Variants in RHBDF1 observed in about 807,000 individuals in gnomAD.
RHBDF1 encodes inactive rhomboid protein 1.
Under a neutral mutation model 98.6 loss-of-function variants are expected in RHBDF1, and 80 were observed. The observed-to-expected ratio is 0.81, with a 90% confidence interval of 0.68 to 0.98. RHBDF1 has a LOEUF of 0.98. Ranked by LOEUF, RHBDF1 falls within the 50% of genes least tolerant of loss-of-function variation. The pLI, the probability that RHBDF1 is intolerant of heterozygous loss-of-function variation, is 0.00. For missense variants in RHBDF1, 1,116 were observed against 1,198.3 expected (o/e 0.93, Z 1.01); for synonymous variants, 512 against 486.8 (o/e 1.05, Z -0.68).
upstream of RHBDF1, among the ~76,000 whole-genome samples, chr16:72,862 G>C (rs898808188): frequency 1.3e-5 from 2 of 152,202 alleles, no homozygotes; most frequent in African/African-American, 2.4e-5. Flanking sequence ...CAGTGTCAGC[G>C]CTGGGCGGCT....
At chr16:63,913 GGA>G in intron 3 of RHBDF1, 113 bp from the exon 4 acceptor site, 7 of 946,368 alleles carry the variant, frequency 7.4e-6, no homozygotes, top group Non-Finnish European at 1.0e-5. Context: ...GTCACTCCAG[GGA>G]CCAGGGTCTG....
intron 1 of RHBDF1, among the ~76,000 whole-genome samples, chr16:68,659 T>TGG (rs11410085): frequency 1.2e-4 from 18 of 151,994 alleles, no homozygotes; most frequent in South Asian, 2.1e-4. Context: ...CAGGACCAGC[T>TGG]GGGGGGGCTG....
chr16:59,675 C>T, intron 14 of RHBDF1, 57 bp downstream of exon 14: 7 of 1,598,644 alleles, frequency 4.4e-6, no homozygotes, highest in Non-Finnish European at 6.0e-6. Context: ...GAAGGCACAC[C>T]CTAGGGCGAT....
rs748663781 is a variant in RHBDF1 at position 61,441 on chromosome 16, C to T, written c.1339G>A (p.Val447Ile). The T allele has an allele frequency of 6.2e-7, 1 of 1,612,320 alleles. No individual in the cohort carries two copies. The highest frequency in any genetic ancestry group is 2.2e-5 in the East Asian group (1 of 44,884). ...TGCACGTACTTGACGTTCTCGTAGA[C>T]CCCGCGGTTCCGCAGCACCTGGGAG... ...TVDSVLRNRG[V>I]YENVKYVQQE... is the part of the protein sequence containing the mutation. Residue 447 changes from valine (V) to isoleucine (I), a missense_variant, in exon 10 of 18, where the codon GTC becomes ATC. Transcript: ENST00000262316.
Position 61,014 on chromosome 16 carries a change from G to T in RHBDF1, c.1557+106C>A, listed in dbSNP as rs1390406117. 4.7e-6 allele frequency: 6 copies of T among 1,269,600 alleles called. No homozygotes were observed. In the Admixed American group the frequency reaches 9.9e-5, roughly 21 times the overall value. 78.6% of individuals were successfully genotyped at this position (1,269,600 alleles called of 1,614,324 possible). On this transcript the variant is annotated intron_variant, in intron 11 of 17. Transcript: ENST00000262316. Reference sequence around the variant, plus strand: ...AAGGCCTTGCGCGTAAGGACGGCGGGATGTGCCAGGAACGAGGGCGAAGGA... The same window carrying T: ...AAGGCCTTGCGCGTAAGGACGGCGGTATGTGCCAGGAACGAGGGCGAAGGA...
In RHBDF1 at chr16:63,001, C is replaced by T; in HGVS notation, c.644G>A (p.Ser215Asn). Residue 215 changes from serine (S) to asparagine (N), a missense_variant, in exon 5 of 18, where the codon AGC (serine) becomes AAC (asparagine). Ser to Asn is a conservative substitution (Grantham distance 46). Transcript: ENST00000262316. ...RRKRESVAKM[S>N]FRAAAALMKG... ...CATCAGCGCTGCGGCCGCCCGGAAG[C>T]TCATCTTGGCCACCGACTCTCGCTT... is the stretch of plus-strand genomic sequence containing the variant. 1.9e-6 allele frequency: 3 copies of T among 1,612,210 alleles called. No homozygotes were observed. The highest frequency in any genetic ancestry group is 2.5e-6 in the Non-Finnish European group (3 of 1,179,422).
chr16:72,177 T>C (rs1456780393), intron 1 of RHBDF1, among the ~76,000 whole-genome samples: 1 of 152,178 alleles, frequency 6.6e-6, no homozygotes, highest in Non-Finnish European at 1.5e-5. Flanking sequence ...CCTGGGACCC[T>C]CAGCTGTTGG....
In RHBDF1 at chr16:68,101, T is replaced by G. The variant is rs188869239; in HGVS notation, c.-24-3062A>C. On this transcript the variant is annotated intron_variant, in intron 1 of 17. Coordinates refer to ENST00000262316, the MANE Select transcript of RHBDF1 (RefSeq NM_022450.5). Reference sequence around the variant, plus strand: ...CAGTCGGCCCCAGGAGACAGCAGAGTGCTCAGCTCATGAAGGAGGCACCAG... The same window carrying G: ...CAGTCGGCCCCAGGAGACAGCAGAGGGCTCAGCTCATGAAGGAGGCACCAG... 2.0e-5 allele frequency among the ~76,000 whole-genome samples: 3 copies of G among 151,678 alleles called. No homozygotes were observed. In the East Asian group the frequency reaches 5.8e-4, roughly 29 times the overall value.
chr16:58,959 G>T lies in RHBDF1; in HGVS notation c.2148+15C>A, dbSNP rs758025160. On this transcript the variant is annotated intron_variant, in intron 17 of 17. Transcript: ENST00000262316. ...GTGCACACGGGAGGATCCCCACCCT[G>T]AGGGCCAGCCTTACCTCTGCTCGGT... 3.7e-6 allele frequency: 6 copies of T among 1,611,948 alleles called. No homozygotes were observed. In the African/African-American group the frequency reaches 8.0e-5, roughly 22 times the overall value.
chr16:64,459 C>T (rs772837883), intron 3 of RHBDF1: 16 of 1,495,686 alleles, frequency 1.1e-5, no homozygotes, highest in Admixed American at 4.1e-5. Context: ...CAAGAGCATC[C>T]GGGCGGTGGA....
At position 62,008 on chromosome 16, in the gene RHBDF1, G is replaced by C. The variant is rs1418221107; in HGVS notation, c.998C>G (p.Ala333Gly). The change falls in exon 8 of 18, where the codon GCC (alanine) becomes GGC (glycine). Residue 333 changes from alanine (A) to glycine (G), a missense_variant. Transcript: ENST00000262316. ...GWRKQKEGAA[A>G]PQPKVRLRQE... ...TCGGAGCCGCACCTTGGGCTGCGGG[G>C]CTGCGGCGCCCTCCTTCTGCTTCCG... 4.5e-6 allele frequency: 7 copies of C among 1,544,466 alleles called. No individual in the cohort carries two copies. The Admixed American group carries it at 1.3e-4, about 29-fold the overall frequency.
intron 11 of RHBDF1, chr16:60,892 A>G (rs188347534): frequency 3.0e-4 from 176 of 592,524 alleles, no homozygotes; most frequent in Admixed American, 3.0e-3. Context: ...ACATGCTGGA[A>G]GAGTACACCC....
Position 61,576 on chromosome 16 carries a change from G to A in RHBDF1, c.1320+9C>T, listed in dbSNP as rs745580837. 1.9e-6 allele frequency: 3 copies of A among 1,612,890 alleles called. No individual in the cohort carries two copies. Among genetic ancestry groups the A allele is most frequent in the African/African-American group, 1.3e-5 (1 of 75,034 alleles). On this transcript the variant is annotated intron_variant, in intron 9 of 17. Transcript: ENST00000262316. ...CTCGTCTGGGCCCAGGGAAGGCACA[G>A]GGGCTCACCGAGTCCACCGTCTCAT...
intron 1 of RHBDF1, among the ~76,000 whole-genome samples, chr16:66,844 G>C (rs1211276570): frequency 6.6e-6 from 1 of 152,210 alleles, no homozygotes; most frequent in East Asian, 1.9e-4. Flanking sequence ...AATCCCTCCA[G>C]GGCCCCTCAC....
Position 61,954 on chromosome 16 carries a change from C to G in RHBDF1, c.1052G>C (p.Arg351Pro). Residue 351 changes from arginine to proline, a missense_variant, in exon 8 of 18, where the codon CGA (arginine) becomes CCA (proline). Transcript: ENST00000262316. ...CGGCACCGCGATACGCTGGCCCCGT[C>G]GCGGCCCCGCGGTGCTCACCACCTC... ...RQEVVSTAGP[R>P]RGQRIAVPVR... 1 of 1,594,174 alleles carries G rather than the reference C, an allele frequency of 6.3e-7. No homozygotes were observed. Among genetic ancestry groups the G allele is most frequent in the Non-Finnish European group, 8.5e-7 (1 of 1,177,710 alleles).
chr16:69,877 G>C (rs1041851393), intron 1 of RHBDF1, among the ~76,000 whole-genome samples: 3 of 152,132 alleles, frequency 2.0e-5, no homozygotes, highest in African/African-American at 7.2e-5. Flanking sequence ...CATCACCCTA[G>C]ACAAGGAGAC....
rs1567114819 is a variant in RHBDF1, at chr16:62,513, CCT to C, written c.953+23_953+24del. On this transcript the variant is annotated intron_variant, in intron 7 of 17. Transcript: ENST00000262316. ...ACGGGCCCCGGGGTCTCTCTCTGCC[CCT>C]CTTCCCTGCCTGCCGCACTCACAGC... is the stretch of plus-strand genomic sequence containing the variant. 1.9e-6 allele frequency: 3 copies of C among 1,608,112 alleles called. No homozygotes were observed. In the Admixed American group the frequency reaches 5.0e-5, roughly 27 times the overall value.
chr16:58,921 C>G, intron 17 of RHBDF1, 53 bp downstream of exon 17: 2 of 1,601,398 alleles, frequency 1.2e-6, no homozygotes, highest in Non-Finnish European at 1.7e-6. Context: ...GACAGGTTCA[C>G]AGCAGGCTGC....
At chr16:60,988 C>G (rs889944521) in intron 11 of RHBDF1, 132 bp downstream of exon 11, 2 of 967,440 alleles carry the variant, frequency 2.1e-6, no homozygotes, top group South Asian at 1.7e-5. Flanking sequence ...ATGAATATGA[C>G]AAGGCCTTGC....
Sources: allele counts gnomAD v4.1 joint callset (sites outside exome capture counted in the v4.1 genomes callset), GRCh38; gene constraint gnomAD v4.1.1; transcripts MANE v1.5; gene names NCBI Gene and HGNC (gene_info 2026-07-23, HGNC 2026-07-21).